Variants in CLIP4 observed in about 807,000 individuals in gnomAD.
CLIP4 encodes CAP-Gly domain-containing linker protein 4.
A neutral mutation model predicts 73.1 loss-of-function variants in CLIP4; 47 were observed. The ratio of observed to expected loss-of-function variants is 0.64; its 90% confidence interval spans 0.51 to 0.82. The LOEUF (loss-of-function observed/expected upper bound fraction) is 0.82, where lower values mean the gene tolerates loss of function less well. CLIP4 is among the 40% of genes least tolerant of loss of function. The probability of loss-of-function intolerance (pLI) is 0.00; values close to 1 mark genes in which losing one functional copy is unlikely to be tolerated. For synonymous variants in CLIP4, 306 were observed against 295.4 expected, an observed-to-expected ratio of 1.04 and a Z score of -0.37; for missense variants, 874 against 852.9, an observed-to-expected ratio of 1.02 and a Z score of -0.31.
At chr2:29,158,004 C>T (rs1356018799) in intron 11 of CLIP4, among the ~76,000 whole-genome samples, 1 of 152,034 alleles carries the variant, frequency 6.6e-6, no homozygotes, top group Non-Finnish European at 1.5e-5. Context: ...TTGTAGTGAA[C>T]CAACATTTTA....
intron 15 of CLIP4, among the ~76,000 whole-genome samples, chr2:29,176,433 G>T (rs996982074): frequency 6.6e-6 from 1 of 152,192 alleles, no homozygotes; most frequent in Non-Finnish European, 1.5e-5. Flanking sequence ...GGACATTCTT[G>T]GGTAGAAACT....
chr2:29,134,199 G>A (rs1665185860), intron 5 of CLIP4, among the ~76,000 whole-genome samples: 2 of 152,018 alleles, frequency 1.3e-5, no homozygotes, highest in South Asian at 4.1e-4. Context: ...ATTTTAGATG[G>A]CATTTGGTTC....
At chr2:29,167,586 T>C in intron 14 of CLIP4, 46 bp downstream of exon 14, 1 of 1,461,166 alleles carries the variant, frequency 6.8e-7, no homozygotes, top group Non-Finnish European at 9.3e-7. Flanking sequence ...TTCTTTGCTT[T>C]CATTTATTGA....
chr2:29,130,995 T>G, intron 2 of CLIP4: 1 of 1,039,760 alleles, frequency 9.6e-7, no homozygotes, highest in Non-Finnish European at 1.3e-6. Flanking sequence ...GATGTTGAGC[T>G]GGTATTATTT....
At chr2:29,139,347 G>A (rs576334481) in intron 6 of CLIP4, among the ~76,000 whole-genome samples, 7 of 152,022 alleles carry the variant, frequency 4.6e-5, no homozygotes, top group African/African-American at 7.2e-5. Flanking sequence ...ACTTGATCAC[G>A]GTGAATTATC....
chr2:29,162,634 A>C (rs1042824288), intron 12 of CLIP4, among the ~76,000 whole-genome samples: 2 of 152,246 alleles, frequency 1.3e-5, no homozygotes, highest in Non-Finnish European at 2.9e-5. Flanking sequence ...AGGCAGAAGC[A>C]AGTAAAACTT....
upstream of CLIP4, among the ~76,000 whole-genome samples, chr2:29,112,950 A>G (rs1410625705): frequency 2.6e-5 from 4 of 152,200 alleles, no homozygotes; most frequent in African/African-American, 9.7e-5. Flanking sequence ...CTGCTGACAG[A>G]TCTTCCTGCT....
At chr2:29,110,015 G>A (rs896628766) in intron 1 of CLIP4, among the ~76,000 whole-genome samples, 1 of 151,902 alleles carries the variant, frequency 6.6e-6, no homozygotes. Flanking sequence ...CTGAGATTGC[G>A]CCACTGCATT....
chr2:29,167,922 A>G (rs1022289488), intron 14 of CLIP4: 2 of 156,394 alleles, frequency 1.3e-5, no homozygotes, highest in African/African-American at 4.8e-5. Context: ...CCGTTGAAAT[A>G]TTCATTCCAT....
chr2:29,131,870 A>G, intron 3 of CLIP4: 2 of 397,396 alleles, frequency 5.0e-6, no homozygotes, highest in Non-Finnish European at 8.9e-6. Context: ...CACGCATAGA[A>G]ATAAAATTTT....
intron 13 of CLIP4, among the ~76,000 whole-genome samples, chr2:29,167,018 A>G (rs1278263838): frequency 1.3e-5 from 2 of 152,236 alleles, no homozygotes; most frequent in African/African-American, 2.4e-5. Context: ...AGAGTCAAGT[A>G]TAAAGTAAAA....
rs374946106 is a variant in CLIP4 at position 29,121,618 on chromosome 2, A to T, written c.133+97A>T. The T allele has an allele frequency of 7.3e-6, 10 of 1,371,186 alleles. No individual in the cohort carries two copies. In the East Asian group the frequency reaches 1.7e-4, roughly 24 times the overall value. 84.9% of individuals were successfully genotyped at this position (1,371,186 alleles called of 1,614,324 possible). ...CATAGTCTTTCTTAGAACCATTTTT[A>T]TGGTTTTCATAAAATTGCTAAAGTT... On this transcript the variant is annotated intron_variant, in intron 2 of 15. Coordinates refer to ENST00000320081, the MANE Select transcript of CLIP4 (RefSeq NM_024692.6).
chr2:29,148,614 CT>C (rs1666334844), intron 8 of CLIP4, among the ~76,000 whole-genome samples: 1 of 152,146 alleles, frequency 6.6e-6, no homozygotes. Context: ...TAGGCAAGAA[CT>C]TTTTCAACTC....
At chr2:29,150,497 A>G (rs1053080833) in intron 8 of CLIP4, among the ~76,000 whole-genome samples, 36 of 152,126 alleles carry the variant, frequency 2.4e-4, no homozygotes, top group Admixed American at 7.9e-4. Flanking sequence ...ACACAAATCA[A>G]ACAAATCAGA....
chr2:29,166,780 GA>G (rs1667652286), intron 13 of CLIP4, among the ~76,000 whole-genome samples: 1 of 152,104 alleles, frequency 6.6e-6, no homozygotes, highest in Non-Finnish European at 1.5e-5. Flanking sequence ...TGATGCCTAT[GA>G]ATTGTAATGT....
At chr2:29,160,688 G>A (rs947759379) in intron 12 of CLIP4, among the ~76,000 whole-genome samples, 3 of 152,136 alleles carry the variant, frequency 2.0e-5, no homozygotes, top group Non-Finnish European at 4.4e-5. Flanking sequence ...GTTTTAAATG[G>A]TCGGTGTTAA....
Position 29,156,416 on chromosome 2 carries a change from G to A in CLIP4, c.1228G>A (p.Glu410Lys). Residue 410 changes from glutamate to lysine, a missense_variant, in exon 10 of 16, where the codon GAA becomes AAA. Transcript: ENST00000320081. ...ESTLSLPPGEELKTVTEKDVA... is the reference protein window; with the variant it reads ...ESTLSLPPGEKLKTVTEKDVA... Reference sequence around the variant, plus strand: ...AACACTTTCATTGCCTCCTGGTGAAGAACTTAAAACTGTGACAGAGAAAGA... The same window carrying A: ...AACACTTTCATTGCCTCCTGGTGAAAAACTTAAAACTGTGACAGAGAAAGA... 1 of 1,586,236 alleles carries A rather than the reference G, an allele frequency of 6.3e-7. No homozygotes were observed.
intron 4 of CLIP4, 91 bp downstream of exon 4, chr2:29,132,336 G>A (rs1187735401): frequency 1.0e-6 from 1 of 1,002,788 alleles, no homozygotes; most frequent in Non-Finnish European, 1.5e-6. Flanking sequence ...TCTGGGGGAA[G>A]GCACCCAGCT....
rs555829078 is a variant in CLIP4 at position 29,131,813 on chromosome 2, G to C, written c.274-339G>C. On this transcript the variant is annotated intron_variant, in intron 3 of 15. Coordinates refer to ENST00000320081, the MANE Select transcript of CLIP4 (RefSeq NM_024692.6). ...GGGAGGGTTCCTTGACCAGTATGTTGCTGTGTTGTAGGAAGAGAGTGCTTA... is the reference window on the plus strand; with the variant it reads ...GGGAGGGTTCCTTGACCAGTATGTTCCTGTGTTGTAGGAAGAGAGTGCTTA... 4 of 277,736 alleles carry C rather than the reference G, an allele frequency of 1.4e-5. No homozygotes were observed. In the East Asian group the frequency reaches 2.4e-4, roughly 16 times the overall value. 17.2% of individuals were successfully genotyped at this position (277,736 alleles called of 1,614,324 possible).
Sources: allele counts gnomAD v4.1 joint callset (sites outside exome capture counted in the v4.1 genomes callset), GRCh38; gene constraint gnomAD v4.1.1; transcripts MANE v1.5; gene names NCBI Gene and HGNC (gene_info 2026-07-23, HGNC 2026-07-21).